The following PCDHGB2 variants were observed in gnomAD, a reference collection of about 807,000 sequenced individuals.
PCDHGB2 encodes protocadherin gamma subfamily B, 2, also known as protocadherin gamma-B2.
Under a neutral mutation model 59.3 loss-of-function variants are expected in PCDHGB2, and 55 were observed. The observed-to-expected ratio is 0.93, with a 90% CI of 0.75 to 1.16. The LOEUF is 1.16. Ranked by LOEUF, PCDHGB2 falls within the 50% of genes most tolerant of loss-of-function variation. PCDHGB2 has a pLI of 0.00. For missense variants in PCDHGB2, 1,228 were observed against 1,198.5 expected (o/e 1.02, Z -0.36); for synonymous variants, 516 against 512.0 (o/e 1.01, Z -0.11).
In PCDHGB2 at chr5:141,502,866, C is replaced by CTTTTTTTTTTTTTTTTT. The variant is rs549047197; in HGVS notation, c.2481-2513_2481-2512insTTTTTTTTTTTTTTTTT. Among the ~76,000 whole-genome samples the CTTTTTTTTTTTTTTTTT allele has an allele frequency of 3.1e-5, 4 of 128,046 alleles. 1 individual carries two copies. 84.0% of individuals were successfully genotyped at this position (128,046 alleles called of 152,430 possible). A position where few individuals can be genotyped will look rare whatever the true frequency, so the allele number is the denominator to read the frequency against. ...GAGCTGCCTAACCCTGACTCTCTGTCTTTTTTTTTTTTTTGACAGGGAGTC... is the reference window on the plus strand; with the variant it reads ...GAGCTGCCTAACCCTGACTCTCTGTCTTTTTTTTTTTTTTTTTTTTTTTTTTTTTTTGACAGGGAGTC... On this transcript the variant is annotated intron_variant, in intron 2 of 3. Transcript: ENST00000522605.
At chr5:141,390,515 C>T (rs1325813784) in intron 1 of PCDHGB2, 1 of 575,082 alleles carries the variant, frequency 1.7e-6, no homozygotes, top group Middle Eastern at 4.7e-4. Flanking sequence ...ATTTATAAAG[C>T]AATGAGGGTG....
chr5:141,375,539 CAA>C lies in PCDHGB2; in HGVS notation c.2421+12984_2421+12985del, dbSNP rs761563017. The C allele has an allele frequency of 1.7e-5, 28 of 1,613,986 alleles. No homozygotes were observed. The East Asian group carries it at 6.0e-4, about 35-fold the overall frequency. On this transcript the variant is annotated intron_variant, in intron 1 of 3. Transcript: ENST00000522605. ...GGACCCTGACGTGGACCAGAACGCC[CAA>C]GTCTCCTACTCACTGGCAGAAGACA...
intron 1 of PCDHGB2, chr5:141,364,759 T>C: frequency 1.2e-6 from 2 of 1,613,952 alleles, no homozygotes; most frequent in Non-Finnish European, 1.7e-6. Context: ...TAAAAGTTAA[T>C]GAAAATGCGG....
At chr5:141,399,470 TC>T in intron 1 of PCDHGB2, 1 of 1,614,018 alleles carries the variant, frequency 6.2e-7, no homozygotes, top group South Asian at 1.1e-5. Context: ...GCTCCGGTTT[TC>T]CACCAGGCGT....
At position 141,485,566 on chromosome 5, in the gene PCDHGB2, C is replaced by T. The variant is rs768144422; in HGVS notation, c.2422-9241C>T. The T allele has an allele frequency of 6.2e-7, 1 of 1,612,926 alleles. No homozygotes were observed. Among genetic ancestry groups the T allele is most frequent in the African/African-American group, 1.3e-5 (1 of 75,016 alleles). ...TCGTAGATGTGAATGATCACGCCCC[C>T]CGTTTTCCGCGGCAGCAGCTGGACT... On this transcript the variant is annotated intron_variant, in intron 1 of 3. Transcript: ENST00000522605. The surrounding 1 kb of genome is among the most constrained non-coding windows in gnomAD (Gnocchi z 5.7).
chr5:141,391,354 T>C (rs1345659874), intron 1 of PCDHGB2: 3 of 150,784 alleles, frequency 2.0e-5, no homozygotes, highest in Non-Finnish European at 3.0e-5. Flanking sequence ...TGTCTGTTAC[T>C]CAGGCTGTAG....
rs75563633 is a variant in PCDHGB2 at position 141,365,084 on chromosome 5, C to G, written c.2421+2528C>G. The G allele has an allele frequency of 4.2e-4, 675 of 1,613,836 alleles. 2 individuals carry two copies. The African/African-American group carries it at 8.3e-3, about 20-fold the overall frequency. ...CCCATCCGAGTACAGCGTGAGTGTT[C>G]CAGAGAACATACCTGTGGGCACTCG... On this transcript the variant is annotated intron_variant, in intron 1 of 3. Coordinates refer to ENST00000522605, the MANE Select transcript of PCDHGB2 (RefSeq NM_018923.3).
chr5:141,389,324 G>A (rs1425596117), intron 1 of PCDHGB2: 2 of 1,613,848 alleles, frequency 1.2e-6, no homozygotes, highest in African/African-American at 1.3e-5. Flanking sequence ...CGGACTTGGG[G>A]CCCAACGGCC....
chr5:141,430,914 T>G (rs750607631), intron 1 of PCDHGB2: 1 of 1,607,676 alleles, frequency 6.2e-7, no homozygotes, highest in Non-Finnish European at 8.5e-7. Context: ...TCCAGGGACC[T>G]GGGGCTGGAG....
chr5:141,478,076 C>G (rs1486983629), intron 1 of PCDHGB2: 2 of 1,614,106 alleles, frequency 1.2e-6, no homozygotes, highest in Non-Finnish European at 1.7e-6. Context: ...CAATGGGGAG[C>G]CTTCGCTCTC....
intron 1 of PCDHGB2, chr5:141,418,609 C>G: frequency 6.2e-7 from 1 of 1,614,026 alleles, no homozygotes. Flanking sequence ...ACAGGGTTAG[C>G]CTTCGGGAAG....
chr5:141,371,868 G>T (rs755178809), intron 1 of PCDHGB2: 5 of 1,613,392 alleles, frequency 3.1e-6, no homozygotes, highest in Non-Finnish European at 4.2e-6. Flanking sequence ...CTACTACATC[G>T]TGGCCAGTGA....
At chr5:141,418,829 C>T in intron 1 of PCDHGB2, 1 of 1,613,856 alleles carries the variant, frequency 6.2e-7, no homozygotes, top group Non-Finnish European at 8.5e-7. Flanking sequence ...AGCAAAAGAC[C>T]GAGGATCTCT....
chr5:141,450,006 C>CTTTT (rs1554136305), intron 1 of PCDHGB2, among the ~76,000 whole-genome samples: 4 of 132,984 alleles, frequency 3.0e-5, no homozygotes, highest in South Asian at 2.3e-4. Flanking sequence ...TGCCATGTCT[C>CTTTT]TTTTTTTTTT....
chr5:141,410,222 G>A, intron 1 of PCDHGB2: 2 of 1,614,018 alleles, frequency 1.2e-6, no homozygotes, highest in South Asian at 2.2e-5. Flanking sequence ...GATACTGCCA[G>A]ACCTCAGCGA....
At chr5:141,468,802 C>G (rs928501013) in intron 1 of PCDHGB2, among the ~76,000 whole-genome samples, 1 of 151,620 alleles carries the variant, frequency 6.6e-6, no homozygotes, top group African/African-American at 2.4e-5. Context: ...GGAGGCGGAA[C>G]TTGCAGTGAG....
At chr5:141,388,487 C>T in intron 1 of PCDHGB2, 1 of 1,613,776 alleles carries the variant, frequency 6.2e-7, no homozygotes, top group Non-Finnish European at 8.5e-7. Flanking sequence ...CACCTTTGGA[C>T]AGAGAAAAGC....
chr5:141,430,365 G>GA lies in PCDHGB2; in HGVS notation c.2422-64434dup, dbSNP rs202146484. Among the ~76,000 whole-genome samples, 583 of 147,736 alleles carry GA rather than the reference G, an allele frequency of 3.9e-3. 6 individuals are homozygous for GA. The highest frequency in any genetic ancestry group is 0.011 in the Admixed American group (169 of 14,894). On this transcript the variant is annotated intron_variant, in intron 1 of 3. Coordinates refer to ENST00000522605, the MANE Select transcript of PCDHGB2 (RefSeq NM_018923.3). ...CCAATTCATTTAAAAGCTCATTGGG[G>GA]AAAAAAAAGCTCATTGGGAAAAAAA...
chr5:141,478,199 C>G, intron 1 of PCDHGB2: 1 of 1,614,056 alleles, frequency 6.2e-7, no homozygotes, highest in Non-Finnish European at 8.5e-7. Flanking sequence ...CTTTTATCTA[C>G]TTCTTTCTCT....
Sources: gnomAD v4.1 joint callset for allele counts (sites outside exome capture counted in the v4.1 genomes callset) on GRCh38, gnomAD v4.1.1 for gene constraint, Gnocchi (gnomAD v3.1) non-coding constraint, MANE v1.5 for transcripts, NCBI Gene and HGNC (gene_info 2026-07-23, HGNC 2026-07-21) for gene names.